ANO2: variants seen among roughly 807,000 people sequenced by gnomAD.
ANO2 encodes anoctamin 2, also known as anoctamin-2.
ANO2 carries 101 observed loss-of-function variants against 124.2 expected under a neutral mutation model. The ratio of observed to expected loss-of-function variants is 0.81; its 90% CI spans 0.69 to 0.96. ANO2 has a LOEUF of 0.96. Among genes scored for constraint, ANO2 ranks in the 40% least tolerant of loss-of-function variants. The probability of loss-of-function intolerance (pLI) is 0.00; values close to 1 mark genes in which losing one functional copy is unlikely to be tolerated. For synonymous variants in ANO2, 486 were observed against 482.5 expected (o/e 1.01, Z -0.09); for missense variants, 1,293 against 1,274.5 (o/e 1.01, Z -0.22).
At chr12:5,763,906 T>TAG (rs1951806856) in intron 10 of ANO2, among the ~76,000 whole-genome samples, 1 of 152,150 alleles carries the variant, frequency 6.6e-6, no homozygotes, top group Admixed American at 6.5e-5. Flanking sequence ...TCAGTAAAAC[T>TAG]AATCAAGAAA....
intron 3 of ANO2, among the ~76,000 whole-genome samples, chr12:5,873,308 G>A (rs1937860006): frequency 6.8e-6 from 1 of 147,366 alleles, no homozygotes. Flanking sequence ...TTGAACTCTG[G>A]CCTCATGTTG....
intron 3 of ANO2, among the ~76,000 whole-genome samples, chr12:5,919,823 G>A (rs548332970): frequency 4.6e-5 from 7 of 152,078 alleles, no homozygotes; most frequent in African/African-American, 1.4e-4. Context: ...TCAGCCTCCC[G>A]AGTAGCTGGG....
intron 3 of ANO2, among the ~76,000 whole-genome samples, chr12:5,860,933 G>GA (rs1410069493): frequency 2.2e-4 from 33 of 152,302 alleles, no homozygotes; most frequent in African/African-American, 7.7e-4. Context: ...CTGGAAAATA[G>GA]ACAAGGCTTC....
At chr12:5,586,516 G>A (rs1425836479) in intron 20 of ANO2, among the ~76,000 whole-genome samples, 1 of 152,178 alleles carries the variant, frequency 6.6e-6, no homozygotes, top group Middle Eastern at 3.2e-3. Flanking sequence ...AGTGCTGATG[G>A]TTTCTCAGGT....
At chr12:5,693,754 G>T (rs1393031761) in intron 14 of ANO2, among the ~76,000 whole-genome samples, 1 of 152,134 alleles carries the variant, frequency 6.6e-6, no homozygotes, top group Non-Finnish European at 1.5e-5. Context: ...CCTTGCACGA[G>T]TTTGCTCTAC....
chr12:5,599,950 T>C (rs796601616), intron 19 of ANO2, among the ~76,000 whole-genome samples: 9 of 152,322 alleles, frequency 5.9e-5, no homozygotes, highest in African/African-American at 2.2e-4. Context: ...ACCAGTCCTA[T>C]TGTCCAACAG....
At chr12:5,675,036 G>A (rs1948173021) in intron 14 of ANO2, among the ~76,000 whole-genome samples, 1 of 152,022 alleles carries the variant, frequency 6.6e-6, no homozygotes. Flanking sequence ...AGAATAGGGG[G>A]GTTGCCTGTT....
At chr12:5,742,169 T>C (rs947439624) in intron 12 of ANO2, among the ~76,000 whole-genome samples, 2 of 152,138 alleles carry the variant, frequency 1.3e-5, no homozygotes, top group African/African-American at 4.8e-5. Context: ...TCTCTCTCTA[T>C]GTACAGCCAT....
intron 1 of ANO2, among the ~76,000 whole-genome samples, chr12:5,942,044 C>T (rs768007860): frequency 5.4e-4 from 82 of 151,938 alleles, no homozygotes; most frequent in Non-Finnish European, 8.2e-4. Context: ...GAAAGGATAA[C>T]AAATGGAAAT....
chr12:5,647,897 A>C (rs1185508806), intron 14 of ANO2, 96 bp from the exon 15 acceptor site: 6 of 869,768 alleles, frequency 6.9e-6, no homozygotes, highest in Non-Finnish European at 1.1e-5. Context: ...ATTGATCATT[A>C]TCACTCTATA....
intron 10 of ANO2, among the ~76,000 whole-genome samples, chr12:5,792,545 T>G (rs1952728461): frequency 6.6e-6 from 1 of 152,222 alleles, no homozygotes; most frequent in African/African-American, 2.4e-5. Context: ...AAATGTATTC[T>G]GAGAATTCGA....
chr12:5,747,665 C>T (rs1192671312), intron 11 of ANO2, among the ~76,000 whole-genome samples: 2 of 151,980 alleles, frequency 1.3e-5, no homozygotes, highest in African/African-American at 4.8e-5. Context: ...AAATACATAC[C>T]CTCACTCTCA....
Position 5,900,260 on chromosome 12 carries a change from C to G in ANO2, c.534+20780G>C, listed in dbSNP as rs922951536. On this transcript the variant is annotated intron_variant, in intron 3 of 24. Coordinates refer to ENST00000682330, the MANE Select transcript of ANO2 (RefSeq NM_001364791.2). The surrounding 1 kb of genome is among the most constrained non-coding windows in gnomAD (Gnocchi z 4.2). ...CCAGCTTCATCTTCTAGCTCTGGCT[C>G]AAGGTAAAGAGTGAGGAAAAATGCA... Among the ~76,000 whole-genome samples, 34 of 152,268 alleles carry G rather than the reference C, an allele frequency of 2.2e-4. No individual in the cohort carries two copies. Among genetic ancestry groups the G allele is most frequent in the African/African-American group, 7.9e-4 (33 of 41,556 alleles).
chr12:5,942,405 T>C (rs938000220), intron 1 of ANO2, among the ~76,000 whole-genome samples: 3 of 152,260 alleles, frequency 2.0e-5, no homozygotes, highest in African/African-American at 7.2e-5. Context: ...CAGCTCGTTA[T>C]GTTGGGCAAT....
In ANO2 at chr12:5,922,775, G is replaced by A. The variant is rs201785753; in HGVS notation, c.52C>T (p.Arg18Trp). 213 of 1,543,150 alleles carry A rather than the reference G, an allele frequency of 1.4e-4. No homozygotes were observed. Among genetic ancestry groups the A allele is most frequent in the Admixed American group, 5.9e-4 (29 of 49,478 alleles). ...CTGGACCCTGCCTGAGGGCTCAGCCGGCGTGGGGAGCCAGGGAGCAGGGGT... is the reference window on the plus strand; with the variant it reads ...CTGGACCCTGCCTGAGGGCTCAGCCAGCGTGGGGAGCCAGGGAGCAGGGGT... ...DIPLLPGSPR[R>W]LSPQAGSRGG... is the part of the protein sequence containing the mutation. Residue 18 changes from arginine (R) to tryptophan (W), a missense_variant, in exon 2 of 25, where the codon CGG becomes TGG. By Grantham distance (101) the Arg-to-Trp change is moderately radical. Transcript: ENST00000682330.
intron 10 of ANO2, among the ~76,000 whole-genome samples, chr12:5,751,242 C>T (rs927273761): frequency 3.3e-5 from 5 of 152,204 alleles, no homozygotes; most frequent in Non-Finnish European, 7.4e-5. Flanking sequence ...AGAAAGAATC[C>T]AGCCCCAACA....
At chr12:5,743,963 G>C (rs765376744) in intron 12 of ANO2, among the ~76,000 whole-genome samples, 194 bp downstream of exon 12, 12 of 152,170 alleles carry the variant, frequency 7.9e-5, no homozygotes, top group Non-Finnish European at 1.6e-4. Context: ...AACAGATAAA[G>C]ACATGAAGGA....
intron 14 of ANO2, among the ~76,000 whole-genome samples, chr12:5,729,664 C>T (rs866205897): frequency 2.5e-4 from 37 of 148,842 alleles, no homozygotes; most frequent in African/African-American, 8.6e-4. Context: ...TACGTATATA[C>T]CCAAGAAAAA....
intron 10 of ANO2, among the ~76,000 whole-genome samples, chr12:5,764,052 TTATC>T (rs1243674032): frequency 6.6e-6 from 1 of 152,194 alleles, no homozygotes; most frequent in Non-Finnish European, 1.5e-5. Flanking sequence ...CTATTCCACA[TTATC>T]TAACTCTGGA....
Sources: gnomAD v4.1 joint callset for allele counts (sites outside exome capture counted in the v4.1 genomes callset) on GRCh38, gnomAD v4.1.1 for gene constraint, Gnocchi (gnomAD v3.1) non-coding constraint, MANE v1.5 for transcripts, NCBI Gene and HGNC (gene_info 2026-07-23, HGNC 2026-07-21) for gene names.